MFAP3L: variants seen among roughly 807,000 people sequenced by gnomAD.
MFAP3L encodes microfibrillar-associated protein 3-like.
A neutral mutation model predicts 20.0 loss-of-function variants in MFAP3L; 5 were observed. The ratio of observed to expected loss-of-function variants is 0.25; its 90% CI spans 0.13 to 0.53. The LOEUF (loss-of-function observed/expected upper bound fraction) is 0.53. MFAP3L is among the 20% of genes least tolerant of loss of function. The pLI, the probability that MFAP3L is intolerant of heterozygous loss-of-function variation, is 0.96. For synonymous variants in MFAP3L, 219 were observed against 213.0 expected (o/e 1.03, Z -0.25); for missense variants, 409 against 527.5 (o/e 0.78, Z 2.20).
At position 169,987,396 on chromosome 4, in the gene MFAP3L, G is replaced by C. The variant is rs909231600; in HGVS notation, c.*3982C>G. 1.3e-5 allele frequency: 2 copies of C among 152,182 alleles called. No homozygotes were observed. The highest frequency in any genetic ancestry group is 2.9e-5 in the Non-Finnish European group (2 of 68,020). 9.4% of individuals were successfully genotyped at this position (152,182 alleles called of 1,614,324 possible). On this transcript the variant is annotated 3_prime_UTR_variant, in exon 3 of 3. Coordinates refer to ENST00000361618, the MANE Select transcript of MFAP3L (RefSeq NM_021647.8). The stretch of plus-strand genomic sequence containing the variant: ...ACTCAATGCCAAAAGGGTACGTGAA[G>C]AGCGGTAAAGGAAAGTATCTGAACA...
intron 1 of MFAP3L, among the ~76,000 whole-genome samples, chr4:170,014,391 C>T (rs1259684019): frequency 6.6e-6 from 1 of 152,140 alleles, no homozygotes; most frequent in Admixed American, 6.6e-5. Flanking sequence ...CAGAGTGAAA[C>T]CAGGCAGGAG....
chr4:170,002,616 TCTCCTGCCTCAGC>T (rs1738730570), intron 2 of MFAP3L, among the ~76,000 whole-genome samples: 1 of 151,990 alleles, frequency 6.6e-6, no homozygotes, highest in South Asian at 2.1e-4. Context: ...TTCAAGCGAT[TCTCCTGCCTCAGC>T]CTCCTGAGTA....
intron 1 of MFAP3L, among the ~76,000 whole-genome samples, chr4:170,018,966 G>A (rs1232418474): frequency 6.6e-6 from 1 of 152,154 alleles, no homozygotes; most frequent in African/African-American, 2.4e-5. Context: ...AAGCAAGAAC[G>A]CTCACTGGTT....
chr4:170,020,944 TTGAA>T (rs1739998616), intron 1 of MFAP3L, among the ~76,000 whole-genome samples: 1 of 151,996 alleles, frequency 6.6e-6, no homozygotes, highest in Non-Finnish European at 1.5e-5. Flanking sequence ...TCACTACCTG[TTGAA>T]TGAATTAATG....
chr4:170,021,448 T>C (rs1050259083), intron 1 of MFAP3L, among the ~76,000 whole-genome samples: 1 of 152,216 alleles, frequency 6.6e-6, no homozygotes, highest in Non-Finnish European at 1.5e-5. Context: ...AACATTTGGG[T>C]AAAAATCTTA....
chr4:169,989,608 A>T lies in MFAP3L; in HGVS notation c.*1770T>A, dbSNP rs1737516211. The T allele has an allele frequency of 6.6e-6, 1 of 152,122 alleles. No homozygotes were observed. The highest frequency in any genetic ancestry group is 2.4e-5 in the African/African-American group (1 of 41,366). The allele number at this position is 152,122 out of a possible 1,614,324, so 9.4% of individuals were successfully genotyped here. ...CATATTTTACAGATGAAAAAGATTA[A>T]ATCCCAGAGAGAGGAAGGGAGTTGT... On this transcript the variant is annotated 3_prime_UTR_variant, in exon 3 of 3. Coordinates refer to ENST00000361618, the MANE Select transcript of MFAP3L (RefSeq NM_021647.8).
chr4:170,004,633 T>C (rs1199475762), intron 2 of MFAP3L, among the ~76,000 whole-genome samples: 1 of 152,218 alleles, frequency 6.6e-6, no homozygotes, highest in Non-Finnish European at 1.5e-5. Flanking sequence ...TCTATTCTTT[T>C]TTCAGGGCAA....
At chr4:170,001,290 T>C (rs1738597410) in intron 2 of MFAP3L, among the ~76,000 whole-genome samples, 1 of 152,160 alleles carries the variant, frequency 6.6e-6, no homozygotes, top group South Asian at 2.1e-4. Flanking sequence ...AGTAGAGGGA[T>C]AAAAACAATA....
At chr4:170,023,973 C>T (rs1348058084) in intron 1 of MFAP3L, among the ~76,000 whole-genome samples, 1 of 152,100 alleles carries the variant, frequency 6.6e-6, no homozygotes, top group Non-Finnish European at 1.5e-5. Context: ...TCTAATGTCA[C>T]CAACAACATC....
At position 169,991,816 on chromosome 4, in the gene MFAP3L, C is replaced by T. The variant is rs774208749; in HGVS notation, c.792G>A (p.Glu264=). The stretch of plus-strand genomic sequence containing the variant: ...GCCTCACAAAATTCTGCCCCTGCTC[C>T]TCCAGCCCAACCACCTCCATAATCT... ...MEEIMEVVGL[E]EQGQNFVRHT... is the part of the protein sequence containing the mutation. Residue 264 remains glutamate (E), a synonymous_variant, in exon 3 of 3, where the codon GAG becomes GAA. Coordinates refer to ENST00000361618, the MANE Select transcript of MFAP3L (RefSeq NM_021647.8). The surrounding 1 kb of genome is among the most constrained non-coding windows in gnomAD (Gnocchi z 4.9). The T allele has an allele frequency of 3.7e-6, 6 of 1,614,190 alleles. No homozygotes were observed. The Admixed American group carries it at 8.3e-5, about 22-fold the overall frequency.
chr4:170,014,476 GC>G (rs1739574551), intron 1 of MFAP3L, among the ~76,000 whole-genome samples: 1 of 152,174 alleles, frequency 6.6e-6, no homozygotes, highest in Non-Finnish European at 1.5e-5. Context: ...GCTAGAAGAT[GC>G]CATGTATCAG....
rs1195069690 is a variant in MFAP3L, at chr4:169,991,624, C to T, written c.984G>A (p.Glu328=). Residue 328 remains glutamate, a synonymous_variant, in exon 3 of 3, where the codon GAG becomes GAA. Transcript: ENST00000361618. This position sits in a 1 kb window ranked among gnomAD's most constrained non-coding sequence, Gnocchi z 4.9. The part of the protein sequence containing the change: ...KVSVHPQSKK[E]HADDQEGGQF... Reference sequence around the variant, plus strand: ...GTCCACCCTCTTGGTCATCTGCATGCTCTTTTTTGGACTGCGGGTGAACTG... The same window carrying T: ...GTCCACCCTCTTGGTCATCTGCATGTTCTTTTTTGGACTGCGGGTGAACTG... 1.9e-6 allele frequency: 3 copies of T among 1,614,182 alleles called. No individual in the cohort carries two copies. The highest frequency in any genetic ancestry group is 2.5e-6 in the Non-Finnish European group (3 of 1,180,034).
In MFAP3L at chr4:169,997,651, G is replaced by A. The variant is rs151326936; in HGVS notation, c.299-5342C>T. The A allele has an allele frequency of 2.0e-4, 183 of 921,744 alleles. 1 individual carries two copies. In the African/African-American group the frequency reaches 2.7e-3, roughly 14 times the overall value. The allele number at this position is 921,744 out of a possible 1,614,324, so 57.1% of individuals were successfully genotyped here. A position where few individuals can be genotyped will look rare whatever the true frequency, so the allele number is the denominator to read the frequency against. On this transcript the variant is annotated intron_variant, in intron 2 of 2. Transcript: ENST00000361618. ...CAGGTTGCCAGAATAAAGGGGAGTC[G>A]CTAGTGACATTGTTGGCAGTGGAAA...
chr4:170,022,512 T>C (rs1200808695), intron 1 of MFAP3L, among the ~76,000 whole-genome samples: 1 of 152,148 alleles, frequency 6.6e-6, no homozygotes, highest in Non-Finnish European at 1.5e-5. Context: ...CACCAAACCT[T>C]TCAGTGGATA....
At chr4:170,016,719 A>T (rs1166766826) in intron 1 of MFAP3L, among the ~76,000 whole-genome samples, 1 of 152,244 alleles carries the variant, frequency 6.6e-6, no homozygotes, top group African/African-American at 2.4e-5. Flanking sequence ...ATGCCCTCTA[A>T]GATAGACCTA....
chr4:170,000,594 A>G (rs996514901), intron 2 of MFAP3L, among the ~76,000 whole-genome samples: 3 of 152,230 alleles, frequency 2.0e-5, no homozygotes, highest in Admixed American at 1.3e-4. Flanking sequence ...GTGGTTGAGA[A>G]AAGTCAAAGA....
chr4:169,993,651 C>T (rs1396211866), intron 2 of MFAP3L: 1 of 151,838 alleles, frequency 6.6e-6, no homozygotes, highest in Non-Finnish European at 1.5e-5. Flanking sequence ...CAATGAGGTA[C>T]CTCCCGGGGT....
At chr4:169,999,446 G>T (rs1470347072) in intron 2 of MFAP3L, among the ~76,000 whole-genome samples, 1 of 152,140 alleles carries the variant, frequency 6.6e-6, no homozygotes, top group African/African-American at 2.4e-5. Context: ...ATTTGGTCTG[G>T]TAATCTTAAT....
At chr4:170,009,382 C>CA (rs1443046929) in intron 1 of MFAP3L, among the ~76,000 whole-genome samples, 13,089 of 60,098 alleles carry the variant, frequency 0.22, 2,283 homozygotes, top group African/African-American at 0.48. Context: ...GACGCTGTCT[C>CA]AAAAAAAAAA....
Sources: allele counts gnomAD v4.1 joint callset (sites outside exome capture counted in the v4.1 genomes callset), GRCh38; gene constraint gnomAD v4.1.1; non-coding constraint Gnocchi (gnomAD v3.1); transcripts MANE v1.5; gene names NCBI Gene and HGNC (gene_info 2026-07-23, HGNC 2026-07-21).